The following AMMECR1 variants were observed in gnomAD, a reference collection of about 807,000 sequenced individuals.
AMMECR1 encodes nuclear protein AMMECR1.
Under a neutral mutation model 22.5 loss-of-function variants are expected in AMMECR1, and 3 were observed. That is an observed-to-expected ratio of 0.13 (90% CI 0.06 to 0.35). AMMECR1 has a LOEUF of 0.35. AMMECR1 is among the 10% of genes least tolerant of loss of function. The pLI is 1.00. For synonymous variants in AMMECR1, 130 were observed against 116.7 expected (o/e 1.11, Z -0.74); for missense variants, 235 against 278.7 (o/e 0.84, Z 1.12).
intron 2 of AMMECR1, among the ~76,000 whole-genome samples, chrX:110,333,270 A>T (rs2068127878): frequency 8.9e-6 from 1 of 111,869 alleles, no homozygotes. Context: ...GTAGGGATAT[A>T]AAGAAATGTG....
intron 2 of AMMECR1, among the ~76,000 whole-genome samples, chrX:110,405,088 T>TCCC (rs35297150): frequency 3.4e-4 from 25 of 74,085 alleles, no homozygotes; most frequent in South Asian, 7.4e-4. Context: ...GCTTGTTGTG[T>TCCC]CCCCCCCCCC....
intron 2 of AMMECR1, among the ~76,000 whole-genome samples, chrX:110,385,141 G>A (rs2068446284): frequency 9.0e-6 from 1 of 111,190 alleles, no homozygotes; most frequent in African/African-American, 3.3e-5. Flanking sequence ...CCAACTAGCT[G>A]TGAGACCTCA....
At chrX:110,345,678 C>T (rs1360252773) in intron 2 of AMMECR1, among the ~76,000 whole-genome samples, 1 of 110,361 alleles carries the variant, frequency 9.1e-6, no homozygotes, top group Non-Finnish European at 1.9e-5. Context: ...CAGCATCACA[C>T]AGTATACCCA....
chrX:110,257,605 T>C (rs1369704732), intron 2 of AMMECR1, among the ~76,000 whole-genome samples: 2 of 112,220 alleles, frequency 1.8e-5, no homozygotes, highest in African/African-American at 3.2e-5. Flanking sequence ...TTTTGGACCA[T>C]GTAGGATAAA....
chrX:110,317,488 C>CA, intron 1 of AMMECR1, 111 bp downstream of exon 1: 1 of 1,066,242 alleles, frequency 9.4e-7, no homozygotes. Flanking sequence ...GGGACCCGGG[C>CA]AGCGAGAGGG....
At chrX:110,232,535 A>G (rs1441176429) in intron 2 of AMMECR1, among the ~76,000 whole-genome samples, 3 of 111,554 alleles carry the variant, frequency 2.7e-5, no homozygotes, top group African/African-American at 6.5e-5. Flanking sequence ...AGGGAAATTT[A>G]TAGCACTAAA....
intron 2 of AMMECR1, among the ~76,000 whole-genome samples, chrX:110,364,279 C>G (rs2068282803): frequency 8.9e-6 from 1 of 111,753 alleles, no homozygotes; most frequent in African/African-American, 3.3e-5. Context: ...CCAGGATGAT[C>G]TCATGTAGAC....
intron 2 of AMMECR1, among the ~76,000 whole-genome samples, chrX:110,426,137 T>G (rs1253671955): frequency 1.8e-5 from 2 of 112,245 alleles, no homozygotes; most frequent in Non-Finnish European, 3.8e-5. Context: ...ATGATGCTAT[T>G]AAATTTAACC....
chrX:110,261,065 G>A (rs2067738513), intron 2 of AMMECR1, among the ~76,000 whole-genome samples: 1 of 111,294 alleles, frequency 9.0e-6, no homozygotes, highest in Admixed American at 9.5e-5. Flanking sequence ...CATGTTTAAT[G>A]GGTAGAGTTT....
intron 2 of AMMECR1, among the ~76,000 whole-genome samples, chrX:110,369,767 T>C (rs920175329): frequency 8.9e-6 from 1 of 112,239 alleles, no homozygotes; most frequent in African/African-American, 3.2e-5. Context: ...CTGTACACAC[T>C]ATTTTTTATA....
chrX:110,310,222 A>G (rs2068017588), intron 1 of AMMECR1, among the ~76,000 whole-genome samples: 1 of 111,865 alleles, frequency 8.9e-6, no homozygotes, highest in South Asian at 3.8e-4. Context: ...CATAGTAAGA[A>G]ATCTGATTTC....
intron 3 of AMMECR1, among the ~76,000 whole-genome samples, chrX:110,213,822 C>T (rs1445219598): frequency 4.5e-5 from 5 of 111,148 alleles, no homozygotes; most frequent in Non-Finnish European, 9.4e-5. Context: ...AATATAATTT[C>T]CACCCTTATT....
chrX:110,417,047 C>T (rs747595167), intron 2 of AMMECR1, among the ~76,000 whole-genome samples: 3 of 112,395 alleles, frequency 2.7e-5, no homozygotes, highest in African/African-American at 6.5e-5. Flanking sequence ...ACTTTTCATT[C>T]GACAGAGACT....
intron 1 of AMMECR1, among the ~76,000 whole-genome samples, chrX:110,276,143 T>C (rs997518149): frequency 2.0e-4 from 22 of 111,750 alleles, no homozygotes; most frequent in Admixed American, 5.7e-4. Flanking sequence ...CATTGATATT[T>C]TCCTCTGCAG....
intron 2 of AMMECR1, among the ~76,000 whole-genome samples, chrX:110,421,642 A>C (rs1313540352): frequency 8.9e-6 from 1 of 112,857 alleles, no homozygotes; most frequent in East Asian, 2.8e-4. Context: ...AGAAGTGTAA[A>C]CAAAGCTCAA....
intron 2 of AMMECR1, among the ~76,000 whole-genome samples, chrX:110,397,404 G>T (rs2148292762): frequency 9.0e-6 from 1 of 110,538 alleles, no homozygotes; most frequent in East Asian, 2.9e-4. Flanking sequence ...TAAGGGAAAA[G>T]GGATTCAGTG....
intron 2 of AMMECR1, among the ~76,000 whole-genome samples, chrX:110,413,715 C>T (rs2068658187): frequency 1.8e-5 from 2 of 110,377 alleles, no homozygotes; most frequent in South Asian, 7.9e-4. Flanking sequence ...CCTCAACGCT[C>T]TTCTTTTTAC....
At chrX:110,293,140 G>A (rs2067917698) in intron 1 of AMMECR1, among the ~76,000 whole-genome samples, 1 of 112,377 alleles carries the variant, frequency 8.9e-6, no homozygotes, top group African/African-American at 3.2e-5. Context: ...AGTAGTATAT[G>A]CATAGACTGT....
At chrX:110,225,146 T>TC in intron 2 of AMMECR1, 1 of 313,477 alleles carries the variant, frequency 3.2e-6, no homozygotes. Context: ...AAGTATATAC[T>TC]TGTACTACTA....
Sources: allele counts gnomAD v4.1 joint callset (sites outside exome capture counted in the v4.1 genomes callset), GRCh38; gene constraint gnomAD v4.1.1; transcripts MANE v1.5; gene names NCBI Gene and HGNC (gene_info 2026-07-23, HGNC 2026-07-21).